TCAIM: variants seen among roughly 807,000 people sequenced by gnomAD.
TCAIM encodes T cell activation inhibitor, mitochondrial, also known as T-cell activation inhibitor, mitochondrial.
Under a neutral mutation model 58.6 loss-of-function variants are expected in TCAIM, and 36 were observed. The ratio of observed to expected loss-of-function variants is 0.61; its 90% CI spans 0.47 to 0.81. The LOEUF (loss-of-function observed/expected upper bound fraction) is 0.81, where lower values mean the gene tolerates loss of function less well. TCAIM is among the 30% of genes least tolerant of loss of function. The probability of loss-of-function intolerance (pLI) is 0.00; values close to 1 mark genes in which losing one functional copy is unlikely to be tolerated. For synonymous variants in TCAIM, 172 were observed against 193.6 expected, an observed-to-expected ratio of 0.89 and a Z score of 0.93; for missense variants, 466 against 579.6, an observed-to-expected ratio of 0.80 and a Z score of 2.01.
At chr3:44,405,650 G>A (rs1022530072) in intron 10 of TCAIM, among the ~76,000 whole-genome samples, 5 of 151,672 alleles carry the variant, frequency 3.3e-5, no homozygotes, top group Admixed American at 2.6e-4. Flanking sequence ...CTCCAGCCTG[G>A]GCAACAGCAA....
At chr3:44,366,463 G>GTTTTT (rs11310204) in intron 4 of TCAIM, among the ~76,000 whole-genome samples, 6 of 83,034 alleles carry the variant, frequency 7.2e-5, no homozygotes, top group African/African-American at 2.8e-4. Flanking sequence ...AATTTTTGTT[G>GTTTTT]TTTTTTTTTT....
chr3:44,377,791 A>G (rs1701589830), intron 5 of TCAIM, among the ~76,000 whole-genome samples: 1 of 152,204 alleles, frequency 6.6e-6, no homozygotes, highest in Non-Finnish European at 1.5e-5. Flanking sequence ...ACCATGTACC[A>G]CATAAATATA....
At chr3:44,350,331 ATTC>A (rs1016871808) in intron 1 of TCAIM, among the ~76,000 whole-genome samples, 1 of 152,026 alleles carries the variant, frequency 6.6e-6, no homozygotes, top group Non-Finnish European at 1.5e-5. Context: ...TTCTTTTGTG[ATTC>A]TTCAGTTACT....
chr3:44,394,920 AAATATATATATATATATATATATAT>A (rs1317141653), intron 6 of TCAIM, among the ~76,000 whole-genome samples: 2 of 23,672 alleles, frequency 8.4e-5, no homozygotes, highest in African/African-American at 2.6e-4. Context: ...AAAAAAAAAA[AAATATATATATATATATATATATAT>A]ATATATATAT....
chr3:44,373,492 T>A (rs1701513091), intron 5 of TCAIM, among the ~76,000 whole-genome samples: 1 of 147,380 alleles, frequency 6.8e-6, no homozygotes, highest in African/African-American at 2.5e-5. Flanking sequence ...CCATCTCTAT[T>A]AAAAAAAAAA....
intron 1 of TCAIM, among the ~76,000 whole-genome samples, chr3:44,345,555 G>A (rs1700949534): frequency 6.6e-6 from 1 of 151,982 alleles, no homozygotes; most frequent in South Asian, 2.1e-4. Context: ...AGTGACTAAC[G>A]AGTCCTCCAC....
chr3:44,353,718 T>C (rs1437883621), intron 1 of TCAIM, among the ~76,000 whole-genome samples: 1 of 152,240 alleles, frequency 6.6e-6, no homozygotes. Context: ...TTGCCATCTG[T>C]ATGTCTTCTT....
intron 1 of TCAIM, among the ~76,000 whole-genome samples, chr3:44,343,735 T>C (rs377194770): frequency 8.4e-4 from 128 of 152,314 alleles, no homozygotes; most frequent in Non-Finnish European, 1.6e-3. Context: ...AATAAGCAGA[T>C]AGAAAACACC....
intron 5 of TCAIM, among the ~76,000 whole-genome samples, chr3:44,383,809 C>CAAAAA (rs71089100): frequency 5.5e-4 from 52 of 95,378 alleles, no homozygotes; most frequent in African/African-American, 2.2e-3. Flanking sequence ...CCTGTCTCTA[C>CAAAAA]AAAAAAAAAA....
chr3:44,396,927 G>A lies in TCAIM; in HGVS notation c.885+93G>A, dbSNP rs1701944944. On this transcript the variant is annotated intron_variant, in intron 8 of 10. Transcript: ENST00000342649. The stretch of plus-strand genomic sequence containing the variant: ...ATGTTAAGGGACTAAAAAAAGGTTT[G>A]TTGTGTTTTTGTTTTTGTTTTTTAA... 12 of 1,285,668 alleles carry A rather than the reference G, an allele frequency of 9.3e-6. No homozygotes were observed. In the South Asian group the frequency reaches 1.5e-4, roughly 16 times the overall value. The allele number at this position is 1,285,668 out of a possible 1,614,324, so 79.6% of individuals were successfully genotyped here. A position where few individuals can be genotyped will look rare whatever the true frequency, so the allele number is the denominator to read the frequency against.
At chr3:44,406,454 G>A (rs905237136) in intron 10 of TCAIM, among the ~76,000 whole-genome samples, 1 of 149,520 alleles carries the variant, frequency 6.7e-6, no homozygotes. Flanking sequence ...CCTGACTGCT[G>A]TCTGTCTGCT....
chr3:44,368,666 A>G (rs1188501234), intron 5 of TCAIM, among the ~76,000 whole-genome samples: 5 of 152,244 alleles, frequency 3.3e-5, no homozygotes, highest in Non-Finnish European at 7.3e-5. Flanking sequence ...TGAGATGGAA[A>G]TGTGGGTTTG....
chr3:44,361,344 G>T, intron 3 of TCAIM, 21 bp from the exon 4 acceptor site: 1 of 1,578,232 alleles, frequency 6.3e-7, no homozygotes, highest in Non-Finnish European at 8.6e-7. Context: ...GTATGTAAAT[G>T]CCCTTAATGT....
intron 5 of TCAIM, among the ~76,000 whole-genome samples, chr3:44,377,909 A>G (rs2125643688): frequency 6.6e-6 from 1 of 152,358 alleles, no homozygotes; most frequent in Middle Eastern, 3.4e-3. Context: ...TGAAGATGCC[A>G]AAAGCAATTC....
chr3:44,343,149 G>A (rs983756870), intron 1 of TCAIM, among the ~76,000 whole-genome samples: 2 of 140,892 alleles, frequency 1.4e-5, no homozygotes, highest in South Asian at 2.1e-4. Context: ...AAAAAAAAAA[G>A]AAGAAATGTT....
At chr3:44,387,877 C>A (rs1701769781) in intron 5 of TCAIM, among the ~76,000 whole-genome samples, 1 of 152,012 alleles carries the variant, frequency 6.6e-6, no homozygotes, top group Non-Finnish European at 1.5e-5. Context: ...CAGAGAAAGT[C>A]CCTGTCTCTA....
At chr3:44,366,381 A>G (rs533224236) in intron 4 of TCAIM, among the ~76,000 whole-genome samples, 195 of 147,970 alleles carry the variant, frequency 1.3e-3, no homozygotes, top group Middle Eastern at 3.5e-3. Context: ...TCCGCCTCCC[A>G]GGTTCAAGCA....
intron 5 of TCAIM, chr3:44,391,167 C>T (rs1328050485): frequency 6.6e-6 from 1 of 152,120 alleles, no homozygotes; most frequent in Non-Finnish European, 1.5e-5. Context: ...AAAGCTATCC[C>T]TTCTAATCCT....
chr3:44,349,953 TA>T (rs771183464), intron 1 of TCAIM, among the ~76,000 whole-genome samples: 26 of 144,072 alleles, frequency 1.8e-4, no homozygotes, highest in South Asian at 4.5e-4. Context: ...GGATCTTTCT[TA>T]CGGAGCAAAG....
Sources: allele counts gnomAD v4.1 joint callset (sites outside exome capture counted in the v4.1 genomes callset), GRCh38; gene constraint gnomAD v4.1.1; transcripts MANE v1.5; gene names NCBI Gene and HGNC (gene_info 2026-07-23, HGNC 2026-07-21).